HSPG2: variants seen among roughly 807,000 people sequenced by gnomAD.
The protein encoded by HSPG2 is heparan sulfate proteoglycan 2, also known as basement membrane-specific heparan sulfate proteoglycan core protein.
HSPG2 carries 278 observed loss-of-function variants against 526.6 expected under a neutral mutation model. The ratio of observed to expected loss-of-function variants is 0.53; its 90% CI spans 0.48 to 0.58. The LOEUF (loss-of-function observed/expected upper bound fraction) is 0.58. Among genes scored for constraint, HSPG2 ranks in the 20% least tolerant of loss-of-function variants. The pLI, the probability that HSPG2 is intolerant of heterozygous loss-of-function variation, is 0.00. For missense variants in HSPG2, 5,354 were observed against 6,099.5 expected, an observed-to-expected ratio of 0.88 and a Z score of 4.07; for synonymous variants, 2,465 against 2,555.4, an observed-to-expected ratio of 0.96 and a Z score of 1.07.
chr1:21,846,418 C>T lies in HSPG2; in HGVS notation c.8316+30G>A, dbSNP rs537286015. The T allele has an allele frequency of 1.1e-4, 183 of 1,612,870 alleles. No homozygotes were observed. The East Asian group carries it at 3.2e-3, about 28-fold the overall frequency. On this transcript the variant is annotated intron_variant, in intron 63 of 96. Transcript: ENST00000374695. Reference sequence around the variant, plus strand: ...TAGCCAGGGCCCCCACATCCAGCGGCTCTCCCACCATTTCCTGCCAGCTGC... The same window carrying T: ...TAGCCAGGGCCCCCACATCCAGCGGTTCTCCCACCATTTCCTGCCAGCTGC...
intron 24 of HSPG2, 41 bp from the exon 25 acceptor site, chr1:21,875,788 T>C (rs1332440106): frequency 6.2e-7 from 1 of 1,606,614 alleles, no homozygotes; most frequent in South Asian, 1.1e-5. Context: ...CCTGACGTCC[T>C]GGAGTATTGA....
rs766234953 is a variant in HSPG2, at chr1:21,872,860, G to C, written c.3889-100C>G. Reference sequence around the variant, plus strand: ...CTCCCTGGCCACTTCCAGCAGCCCCGGGCAGCCCCTGCCCTGTCCCCCATG... The same window carrying C: ...CTCCCTGGCCACTTCCAGCAGCCCCCGGCAGCCCCTGCCCTGTCCCCCATG... On this transcript the variant is annotated intron_variant, in intron 31 of 96. Coordinates refer to ENST00000374695, the MANE Select transcript of HSPG2 (RefSeq NM_005529.7). This position sits in a 1 kb window ranked among gnomAD's most constrained non-coding sequence, Gnocchi z 5.5. 3.2e-6 allele frequency: 5 copies of C among 1,551,134 alleles called. No homozygotes were observed.
chr1:21,851,315 GCA>G (rs1473871318), intron 55 of HSPG2: 1 of 612,392 alleles, frequency 1.6e-6, no homozygotes, highest in African/African-American at 1.8e-5. Flanking sequence ...TGAAACTATA[GCA>G]CAGAGAGGTT....
chr1:21,936,422 T>TC (rs1308826941), intron 1 of HSPG2, among the ~76,000 whole-genome samples: 1 of 152,258 alleles, frequency 6.6e-6, no homozygotes, highest in East Asian at 1.9e-4. Flanking sequence ...GTGCACTGCA[T>TC]CCCCGCACCA....
intron 83 of HSPG2, 54 bp from the exon 84 acceptor site, chr1:21,831,378 C>A: frequency 6.2e-7 from 1 of 1,603,284 alleles, no homozygotes. Context: ...AGCCCATACC[C>A]TGAGGTGCCC....
At chr1:21,935,763 T>G (rs1644472646) in intron 1 of HSPG2, among the ~76,000 whole-genome samples, 1 of 152,164 alleles carries the variant, frequency 6.6e-6, no homozygotes, top group South Asian at 2.1e-4. Context: ...GTTGGTGCGT[T>G]GGGAAAAGTA....
intron 9 of HSPG2, among the ~76,000 whole-genome samples, chr1:21,886,116 TG>T (rs1305987567): frequency 6.6e-6 from 1 of 152,166 alleles, no homozygotes; most frequent in Non-Finnish European, 1.5e-5. Context: ...GAGGTAGCCG[TG>T]GGCGCAGCTC....
chr1:21,898,597 C>A lies in HSPG2; in HGVS notation c.64-2287G>T, dbSNP rs1642911797. Among the ~76,000 whole-genome samples the A allele has an allele frequency of 6.6e-6, 1 of 152,214 alleles. No individual in the cohort carries two copies. The highest frequency in any genetic ancestry group is 1.5e-5 in the Non-Finnish European group (1 of 68,038). On this transcript the variant is annotated intron_variant, in intron 1 of 96. Transcript: ENST00000374695. This position sits in a 1 kb window ranked among gnomAD's most constrained non-coding sequence, Gnocchi z 4.0. Reference sequence around the variant, plus strand: ...ACAGTCCCTGGTTAGAACCGTAAGACCAGCCCCTACCAGGCGCTCTGCCTC... The same window carrying A: ...ACAGTCCCTGGTTAGAACCGTAAGAACAGCCCCTACCAGGCGCTCTGCCTC...
At position 21,847,329 on chromosome 1, in the gene HSPG2, T is replaced by G; in HGVS notation, c.8164+25A>C. Reference sequence around the variant, plus strand: ...CAGGGAACACTGTTGCCTGCATCCCTCGTCCCTTTCCTAGGCAGACTCACC... The same window carrying G: ...CAGGGAACACTGTTGCCTGCATCCCGCGTCCCTTTCCTAGGCAGACTCACC... On this transcript the variant is annotated intron_variant, in intron 62 of 96. Transcript: ENST00000374695. The surrounding 1 kb of genome is among the most constrained non-coding windows in gnomAD (Gnocchi z 4.1). 1 of 1,613,624 alleles carries G rather than the reference T, an allele frequency of 6.2e-7. No individual in the cohort carries two copies. The highest frequency in any genetic ancestry group is 1.3e-5 in the African/African-American group (1 of 75,062).
chr1:21,843,070 C>T (rs947390023), intron 66 of HSPG2, 149 bp from the exon 67 acceptor site: 3 of 1,060,438 alleles, frequency 2.8e-6, no homozygotes, highest in Admixed American at 2.1e-5. Context: ...GTCTCCTTTC[C>T]CTGGGGACTC....
At chr1:21,838,162 A>G (rs1049786147) in intron 74 of HSPG2, among the ~76,000 whole-genome samples, 1 of 149,206 alleles carries the variant, frequency 6.7e-6, no homozygotes, top group South Asian at 2.1e-4. Context: ...AAAAAAAGAA[A>G]GAAACTGAGG....
At position 21,854,063 on chromosome 1, in the gene HSPG2, T is replaced by C; in HGVS notation, c.6439+130A>G. The C allele has an allele frequency of 5.8e-6, 6 of 1,038,770 alleles. No homozygotes were observed. The South Asian group carries it at 1.0e-4, about 18-fold the overall frequency. The allele number at this position is 1,038,770 out of a possible 1,614,324, so 64.3% of individuals were successfully genotyped here. On this transcript the variant is annotated intron_variant, in intron 50 of 96. Transcript: ENST00000374695. ...CGTCCACTCAACCTCCTTCTCTCTC[T>C]GAGCAGGCGCTGAAGGGTCAAAGCC...
intron 29 of HSPG2, among the ~76,000 whole-genome samples, 153 bp downstream of exon 29, chr1:21,873,772 G>A (rs578158300): frequency 1.3e-5 from 2 of 152,264 alleles, no homozygotes; most frequent in South Asian, 2.1e-4. Context: ...TGAGTCTCCC[G>A]AGGAGGGGAG....
Position 21,847,873 on chromosome 1 carries a change from G to T in HSPG2, c.7874-33C>A. ...CAGACGGGTGTGGACCACGCAGCCA[G>T]AGTGAGATAACAGTGATGGCACCGG... is the stretch of plus-strand genomic sequence containing the variant. On this transcript the variant is annotated intron_variant, in intron 60 of 96. Coordinates refer to ENST00000374695, the MANE Select transcript of HSPG2 (RefSeq NM_005529.7). This position sits in a 1 kb window ranked among gnomAD's most constrained non-coding sequence, Gnocchi z 4.1. 1 of 1,613,872 alleles carries T rather than the reference G, an allele frequency of 6.2e-7. No individual in the cohort carries two copies. Among genetic ancestry groups the T allele is most frequent in the Non-Finnish European group, 8.5e-7 (1 of 1,180,024 alleles).
chr1:21,875,927 TC>T lies in HSPG2; in HGVS notation c.3118del (p.Glu1040SerfsTer39). ...VVLQGNNIIL[E>X]HHVAQEPSPG... is the part of the protein sequence containing the mutation. ...GCTGGGCTCCTGGGCCACATGGTGCTCTAGGATGATGTTGTTACCTTGCAGC... is the reference window on the plus strand; with the variant it reads ...GCTGGGCTCCTGGGCCACATGGTGCTTAGGATGATGTTGTTACCTTGCAGC... On this transcript the variant is annotated frameshift_variant, in exon 24 of 97. Coordinates refer to ENST00000374695, the MANE Select transcript of HSPG2 (RefSeq NM_005529.7). LOFTEE classifies it high-confidence loss of function. The T allele has an allele frequency of 6.2e-7, 1 of 1,614,150 alleles. No homozygotes were observed. The highest frequency in any genetic ancestry group is 8.5e-7 in the Non-Finnish European group (1 of 1,180,034).
intron 1 of HSPG2, among the ~76,000 whole-genome samples, chr1:21,902,599 C>T (rs559314240): frequency 6.6e-6 from 1 of 152,360 alleles, no homozygotes; most frequent in South Asian, 2.1e-4. Context: ...TGGGTTCATG[C>T]TTCTGTATTT....
At position 21,893,217 on chromosome 1, in the gene HSPG2, G is replaced by A. The variant is rs188718314; in HGVS notation, c.245-2523C>T. 6.6e-6 allele frequency among the ~76,000 whole-genome samples: 1 copy of A among 152,344 alleles called. No homozygotes were observed. Among genetic ancestry groups the A allele is most frequent in the South Asian group, 2.1e-4 (1 of 4,828 alleles). ...CTGTGGGTCCCTCGGGTGGGCCCAG[G>A]ATTGGCCTGTGCTGGGGTGGACACA... On this transcript the variant is annotated intron_variant, in intron 3 of 96. Transcript: ENST00000374695. The surrounding 1 kb of genome is among the most constrained non-coding windows in gnomAD (Gnocchi z 4.3).
intron 1 of HSPG2, among the ~76,000 whole-genome samples, chr1:21,933,055 A>G (rs1644385531): frequency 6.6e-6 from 1 of 152,136 alleles, no homozygotes; most frequent in South Asian, 2.1e-4. Context: ...CCCTGTCTCT[A>G]TAAAAAATAC....
chr1:21,863,847 T>TA (rs1325720690), intron 37 of HSPG2, among the ~76,000 whole-genome samples: 12 of 151,998 alleles, frequency 7.9e-5, no homozygotes, highest in African/African-American at 2.4e-4. Context: ...CTGTATTAGA[T>TA]AAAAAAAATT....
Sources: gnomAD v4.1 joint callset for allele counts (sites outside exome capture counted in the v4.1 genomes callset) on GRCh38, gnomAD v4.1.1 for gene constraint, Gnocchi (gnomAD v3.1) non-coding constraint, MANE v1.5 for transcripts, NCBI Gene and HGNC (gene_info 2026-07-23, HGNC 2026-07-21) for gene names.